Variants in TMEM117 observed in about 807,000 individuals in gnomAD.
TMEM117 encodes transmembrane protein 117.
TMEM117 carries 27 observed loss-of-function variants against 52.4 expected under a neutral mutation model. That is an observed-to-expected ratio of 0.51 (90% CI 0.38 to 0.71). The LOEUF is 0.71. Among genes scored for constraint, TMEM117 ranks in the 30% least tolerant of loss-of-function variants. TMEM117 has a pLI of 0.00. For synonymous variants in TMEM117, 215 were observed against 206.3 expected (o/e 1.04, Z -0.36); for missense variants, 556 against 630.5 (o/e 0.88, Z 1.26).
At chr12:44,027,333 C>T (rs1006578205) in intron 3 of TMEM117, among the ~76,000 whole-genome samples, 16 of 151,752 alleles carry the variant, frequency 1.1e-4, no homozygotes, top group Non-Finnish European at 2.2e-4. Flanking sequence ...ACCACCATAC[C>T]CAGCTAATGT....
At chr12:44,064,622 T>A (rs1478072922) in intron 3 of TMEM117, among the ~76,000 whole-genome samples, 1 of 152,198 alleles carries the variant, frequency 6.6e-6, no homozygotes, top group Non-Finnish European at 1.5e-5. Context: ...AAATCTGTTT[T>A]TTTTAAAGAA....
intron 5 of TMEM117, among the ~76,000 whole-genome samples, chr12:44,297,178 C>A (rs1482599885): frequency 6.6e-6 from 1 of 152,176 alleles, no homozygotes; most frequent in African/African-American, 2.4e-5. Context: ...GACACTTATT[C>A]CAAACTCCTA....
chr12:44,130,396 C>T (rs954671464), intron 3 of TMEM117, among the ~76,000 whole-genome samples: 1 of 152,172 alleles, frequency 6.6e-6, no homozygotes, highest in Non-Finnish European at 1.5e-5. Flanking sequence ...ATAACTATCT[C>T]ATGTTTTAGG....
At chr12:43,989,343 G>A (rs1267656127) in intron 3 of TMEM117, among the ~76,000 whole-genome samples, 1 of 152,082 alleles carries the variant, frequency 6.6e-6, no homozygotes, top group African/African-American at 2.4e-5. Context: ...GAAGTAGGCT[G>A]ACAGGTAGTT....
Position 44,388,802 on chromosome 12 carries a change from C to A in TMEM117, c.*130C>A. On this transcript the variant is annotated 3_prime_UTR_variant, in exon 8 of 8. Coordinates refer to ENST00000266534, the MANE Select transcript of TMEM117 (RefSeq NM_032256.3). ...AAATATGAACAATGCCACAACGGTG[C>A]TCAACATGCTTTTTCTAGGATTCAT... 1.0e-6 allele frequency: 1 copy of A among 968,336 alleles called. No individual in the cohort carries two copies. Among genetic ancestry groups the A allele is most frequent in the Non-Finnish European group, 1.5e-6 (1 of 658,186 alleles). 60.0% of individuals were successfully genotyped at this position (968,336 alleles called of 1,614,324 possible).
At chr12:43,969,246 C>T (rs1398268337) in intron 3 of TMEM117, among the ~76,000 whole-genome samples, 1 of 150,356 alleles carries the variant, frequency 6.7e-6, no homozygotes, top group Non-Finnish European at 1.5e-5. Flanking sequence ...ATTGGCCGGG[C>T]GCGGTGGCTC....
chr12:44,285,025 A>G (rs374719313), intron 5 of TMEM117, among the ~76,000 whole-genome samples: 3 of 152,312 alleles, frequency 2.0e-5, no homozygotes, highest in Admixed American at 6.5e-5. Context: ...GAGATTGCCA[A>G]TGTGCAGGAT....
intron 6 of TMEM117, among the ~76,000 whole-genome samples, chr12:44,308,924 C>T (rs1463625555): frequency 6.6e-6 from 1 of 152,038 alleles, no homozygotes; most frequent in Non-Finnish European, 1.5e-5. Context: ...CGGCCTGTAA[C>T]TATTTTTAAT....
chr12:43,844,576 C>A lies in TMEM117; in HGVS notation c.-28-48C>A, dbSNP rs540308197. 2.2e-5 allele frequency: 33 copies of A among 1,467,804 alleles called. 1 individual carries two copies. In the South Asian group the frequency reaches 3.6e-4, roughly 16 times the overall value. The allele number at this position is 1,467,804 out of a possible 1,614,324, so 90.9% of individuals were successfully genotyped here. On this transcript the variant is annotated intron_variant, in intron 1 of 7. Coordinates refer to ENST00000266534, the MANE Select transcript of TMEM117 (RefSeq NM_032256.3). ...ACCTGAACTGATAAAAAGAAGAAAG[C>A]CATTACTTGTTTTCCTCCTCTAACC...
At chr12:43,858,867 A>G (rs1373661906) in intron 2 of TMEM117, among the ~76,000 whole-genome samples, 2 of 152,178 alleles carry the variant, frequency 1.3e-5, no homozygotes, top group Non-Finnish European at 2.9e-5. Context: ...TGTTATTTGC[A>G]AGGGAAAGCA....
At chr12:44,023,349 A>G (rs957826895) in intron 3 of TMEM117, among the ~76,000 whole-genome samples, 6 of 152,160 alleles carry the variant, frequency 3.9e-5, no homozygotes, top group African/African-American at 1.4e-4. Flanking sequence ...CAGTAATGGG[A>G]TGGCTGGGTC....
intron 2 of TMEM117, among the ~76,000 whole-genome samples, chr12:43,904,978 T>TA (rs1944361296): frequency 6.6e-6 from 1 of 151,948 alleles, no homozygotes; most frequent in Non-Finnish European, 1.5e-5. Context: ...ACCCTGTCTC[T>TA]ACTAAAAATA....
At chr12:43,805,346 C>A in the TMEM117 span, among the ~76,000 whole-genome samples, 2 of 152,106 alleles carry the variant, frequency 1.3e-5, no homozygotes, top group South Asian at 2.1e-4. Flanking sequence ...CTTCTGCGTG[C>A]GTGCAGGGGG....
At chr12:43,854,326 T>G (rs1476894078) in intron 2 of TMEM117, among the ~76,000 whole-genome samples, 1 of 151,944 alleles carries the variant, frequency 6.6e-6, no homozygotes, top group Non-Finnish European at 1.5e-5. Flanking sequence ...GGCAAGCAGA[T>G]TGGGGTATGT....
chr12:44,159,392 T>C (rs531460516), intron 4 of TMEM117, among the ~76,000 whole-genome samples: 65 of 152,242 alleles, frequency 4.3e-4, no homozygotes, highest in African/African-American at 1.5e-3. Flanking sequence ...ATTTACTCTT[T>C]AAAGACTTTT....
At chr12:43,919,024 G>GA (rs1944650739) in intron 2 of TMEM117, among the ~76,000 whole-genome samples, 1 of 152,094 alleles carries the variant, frequency 6.6e-6, no homozygotes, top group Non-Finnish European at 1.5e-5. Context: ...CCACATAAGA[G>GA]AGCTGCTTCC....
chr12:43,948,393 C>A (rs1945168035), intron 3 of TMEM117, among the ~76,000 whole-genome samples: 1 of 151,886 alleles, frequency 6.6e-6, no homozygotes, highest in Non-Finnish European at 1.5e-5. Flanking sequence ...GCAAGCTCTG[C>A]CTCCTGGGTT....
At chr12:44,076,831 A>T (rs1196702875) in intron 3 of TMEM117, among the ~76,000 whole-genome samples, 1 of 152,186 alleles carries the variant, frequency 6.6e-6, no homozygotes, top group African/African-American at 2.4e-5. Flanking sequence ...AAATAGCCCG[A>T]TGGAAGATAT....
At position 43,864,814 on chromosome 12, in the gene TMEM117, C is replaced by G. The variant is rs186630806; in HGVS notation, c.277+19886C>G. On this transcript the variant is annotated intron_variant, in intron 2 of 7. Transcript: ENST00000266534. ...CAGCAGGGGGTCCACACTGTGGGAA[C>G]TTTGTTCTTTTGCTGTTTGCAATAA... 1.6e-3 allele frequency among the ~76,000 whole-genome samples: 239 copies of G among 152,304 alleles called. 3 individuals carry two copies. Among genetic ancestry groups the G allele is most frequent in the Admixed American group, 4.2e-3 (64 of 15,294 alleles).
Sources: gnomAD v4.1 joint callset for allele counts (sites outside exome capture counted in the v4.1 genomes callset) on GRCh38, gnomAD v4.1.1 for gene constraint, MANE v1.5 for transcripts, NCBI Gene and HGNC (gene_info 2026-07-23, HGNC 2026-07-21) for gene names.